E2F6: variants seen among roughly 807,000 people sequenced by gnomAD.
E2F6 encodes the protein transcription factor E2F6.
A neutral mutation model predicts 31.5 loss-of-function variants in E2F6; 19 were observed. The ratio of observed to expected loss-of-function variants is 0.60; its 90% CI spans 0.42 to 0.89. The LOEUF is 0.89. E2F6 is among the 40% of genes least tolerant of loss of function. E2F6 has a pLI of 0.00. For missense variants in E2F6, 269 were observed against 341.6 expected, an observed-to-expected ratio of 0.79 and a Z score of 1.67; for synonymous variants, 121 against 127.7, an observed-to-expected ratio of 0.95 and a Z score of 0.36.
At chr2:11,447,849 A>C in intron 5 of E2F6, 75 bp from the exon 6 acceptor site, 2 of 1,512,662 alleles carry the variant, frequency 1.3e-6, no homozygotes, top group Non-Finnish European at 1.8e-6. Flanking sequence ...GAACTGCAAA[A>C]ATTTCGAGAC....
chr2:11,454,449 G>T (rs1314588610), intron 2 of E2F6, among the ~76,000 whole-genome samples: 1 of 151,580 alleles, frequency 6.6e-6, no homozygotes, highest in African/African-American at 2.4e-5. Flanking sequence ...CCGCCTCCAG[G>T]GTTCAAGTAA....
At position 11,446,185 on chromosome 2, in the gene E2F6, A is replaced by T. The variant is rs532617402; in HGVS notation, c.*292T>A. 973 of 402,854 alleles carry T rather than the reference A, an allele frequency of 2.4e-3. 4 individuals are homozygous for T. The highest frequency in any genetic ancestry group is 4.8e-3 in the South Asian group (117 of 24,332). 25.0% of individuals were successfully genotyped at this position (402,854 alleles called of 1,614,324 possible). ...ACAAAGAACTGTCCATTTCAGCCTG[A>T]CTGTCTGTCTTCATGACACTCTGTG... On this transcript the variant is annotated 3_prime_UTR_variant, in exon 7 of 7. Coordinates refer to ENST00000381525, the MANE Select transcript of E2F6 (RefSeq NM_198256.4).
intron 2 of E2F6, 56 bp downstream of exon 2, chr2:11,457,123 T>C: frequency 1.6e-6 from 2 of 1,263,340 alleles, no homozygotes; most frequent in Non-Finnish European, 2.3e-6. Flanking sequence ...CAAATCATTT[T>C]AATCATAAGA....
chr2:11,447,105 T>C (rs145156948), intron 6 of E2F6, among the ~76,000 whole-genome samples: 1 of 152,234 alleles, frequency 6.6e-6, no homozygotes, highest in Non-Finnish European at 1.5e-5. Flanking sequence ...GGATCTGCTG[T>C]TGGACAGCAC....
At chr2:11,452,951 T>C (rs1027616029) in intron 3 of E2F6, among the ~76,000 whole-genome samples, 6 of 152,228 alleles carry the variant, frequency 3.9e-5, no homozygotes, top group Admixed American at 3.9e-4. Flanking sequence ...TTTTATGGTC[T>C]TTGCTGGTAG....
chr2:11,461,500 C>A (rs571861914), intron 1 of E2F6, among the ~76,000 whole-genome samples: 1 of 151,962 alleles, frequency 6.6e-6, no homozygotes, highest in African/African-American at 2.4e-5. Context: ...TACAGGCGCA[C>A]GTCACCAAGC....
At chr2:11,459,698 A>G (rs909245731) in intron 1 of E2F6, among the ~76,000 whole-genome samples, 13 of 152,026 alleles carry the variant, frequency 8.6e-5, no homozygotes, top group Non-Finnish European at 1.3e-4. Flanking sequence ...CCTGGCCAAC[A>G]TAGTGAAATC....
intron 3 of E2F6, among the ~76,000 whole-genome samples, chr2:11,453,323 A>G (rs958588914): frequency 7.9e-5 from 12 of 152,146 alleles, no homozygotes. Context: ...TGTTTACTAC[A>G]CTTCTGTGTG....
At chr2:11,464,517 C>CAAAAAAAA (rs559562627) in intron 1 of E2F6, among the ~76,000 whole-genome samples, 1 of 44,658 alleles carries the variant, frequency 2.2e-5, no homozygotes, top group African/African-American at 1.0e-4. Context: ...ACTTCGTCAC[C>CAAAAAAAA]AAAAAAAAAA....
At chr2:11,450,205 A>T (rs962817440) in intron 4 of E2F6, 79 bp from the exon 5 acceptor site, 37 of 886,178 alleles carry the variant, frequency 4.2e-5, no homozygotes, top group Non-Finnish European at 6.2e-5. Flanking sequence ...CAGTTAACGC[A>T]AGGGTAATGT....
chr2:11,461,525 G>A (rs1285270521), intron 1 of E2F6, among the ~76,000 whole-genome samples: 1 of 151,872 alleles, frequency 6.6e-6, no homozygotes, highest in Non-Finnish European at 1.5e-5. Flanking sequence ...CTAATTTTTT[G>A]TATTTTTAGT....
rs1670703011 is a variant in E2F6, at chr2:11,446,225, G to A, written c.*252C>T. ...GACACTCTGTGATGAAGCTACTTCAGGAGGCAAGATGTCTATTTCACTGAC... is the reference window on the plus strand; with the variant it reads ...GACACTCTGTGATGAAGCTACTTCAAGAGGCAAGATGTCTATTTCACTGAC... On this transcript the variant is annotated 3_prime_UTR_variant, in exon 7 of 7. Transcript: ENST00000381525. 2.2e-6 allele frequency: 1 copy of A among 461,880 alleles called. No homozygotes were observed. Among genetic ancestry groups the A allele is most frequent in the South Asian group, 3.3e-5 (1 of 30,684 alleles). 28.6% of individuals were successfully genotyped at this position (461,880 alleles called of 1,614,324 possible).
intron 5 of E2F6, among the ~76,000 whole-genome samples, chr2:11,448,909 G>T (rs942731052): frequency 1.3e-5 from 2 of 152,188 alleles, no homozygotes; most frequent in Non-Finnish European, 2.9e-5. Flanking sequence ...GATCTGACCT[G>T]AGGGCCAGTT....
Position 11,446,482 on chromosome 2 carries a change from T to C in E2F6, c.841A>G (p.Asn281Asp), listed in dbSNP as rs1168768140. 1.9e-6 allele frequency: 3 copies of C among 1,611,836 alleles called. No individual in the cohort carries two copies. Among genetic ancestry groups the C allele is most frequent in the African/African-American group, 1.3e-5 (1 of 74,990 alleles). Residue 281 changes from asparagine (N) to aspartate (D), a missense_variant, in exon 7 of 7, where the codon AAC (asparagine) becomes GAC (aspartate). By Grantham distance (23) the Asn-to-Asp change is conservative. Transcript: ENST00000381525. ...QQSEELLEVS[N>D] ...ACATAAATTCTCAAATGCCATCAGT[T>C]GCTTACTTCAAGCAATTCTTCACTT... is the stretch of plus-strand genomic sequence containing the variant.
At chr2:11,461,612 C>T (rs1165869586) in intron 1 of E2F6, among the ~76,000 whole-genome samples, 9 of 152,212 alleles carry the variant, frequency 5.9e-5, no homozygotes, top group African/African-American at 1.4e-4. Context: ...CTCAGCCTCC[C>T]GAAGTGCTGG....
At chr2:11,458,954 G>A (rs1671589596) in intron 1 of E2F6, among the ~76,000 whole-genome samples, 2 of 152,174 alleles carry the variant, frequency 1.3e-5, no homozygotes, top group Admixed American at 1.3e-4. Flanking sequence ...TTGCAAACAT[G>A]GTATCCAACA....
intron 1 of E2F6, among the ~76,000 whole-genome samples, chr2:11,464,591 C>T (rs919922788): frequency 2.1e-5 from 3 of 144,836 alleles, no homozygotes; most frequent in Non-Finnish European, 4.5e-5. Flanking sequence ...GATATGGAAT[C>T]AAGGGAGAGA....
At chr2:11,463,947 C>CGGG (rs1553336577) in intron 1 of E2F6, among the ~76,000 whole-genome samples, 1 of 35,232 alleles carries the variant, frequency 2.8e-5, no homozygotes, top group Non-Finnish European at 7.6e-5. Context: ...AGATCCTGCA[C>CGGG]CGGGGGGGGG....
rs141189123 is a variant in E2F6, at chr2:11,450,078, A to T, written c.585T>A (p.His195Gln). 1,459 of 1,613,814 alleles carry T rather than the reference A, an allele frequency of 9.0e-4. 18 individuals are homozygous for T. The African/African-American group carries it at 0.018, about 19-fold the overall frequency. ...YQDIHSIQAF[H>Q]EQIVIAVKAP... Reference sequence around the variant, plus strand: ...CTTTAACTGCAATGACGATCTGTTCATGGAAGGCCTGAATGCTATGAATGT... The same window carrying T: ...CTTTAACTGCAATGACGATCTGTTCTTGGAAGGCCTGAATGCTATGAATGT... The change falls in exon 5 of 7, where the codon CAT (histidine) becomes CAA (glutamine). Residue 195 changes from histidine to glutamine, a missense_variant. His to Gln is a conservative substitution (Grantham distance 24). Transcript: ENST00000381525.
Sources: allele counts gnomAD v4.1 joint callset (sites outside exome capture counted in the v4.1 genomes callset), GRCh38; gene constraint gnomAD v4.1.1; transcripts MANE v1.5; gene names NCBI Gene and HGNC (gene_info 2026-07-23, HGNC 2026-07-21).